GRIK1: variants seen among roughly 807,000 people sequenced by gnomAD.
GRIK1 encodes the protein glutamate receptor ionotropic, kainate 1.
In GRIK1, 69 loss-of-function variants were observed where a neutral mutation model predicts 105.7. The ratio of observed to expected loss-of-function variants is 0.65; its 90% CI spans 0.54 to 0.80. The LOEUF (loss-of-function observed/expected upper bound fraction) is 0.80. GRIK1 is among the 30% of genes least tolerant of loss of function. The pLI, the probability that GRIK1 is intolerant of heterozygous loss-of-function variation, is 0.00. For missense variants in GRIK1, 1,109 were observed against 1,167.3 expected, an observed-to-expected ratio of 0.95 and a Z score of 0.73; for synonymous variants, 438 against 431.3, an observed-to-expected ratio of 1.02 and a Z score of -0.19.
At chr21:29,651,312 T>C (rs774286172) in intron 5 of GRIK1, 21 bp from the exon 6 acceptor site, 12 of 1,527,330 alleles carry the variant, frequency 7.9e-6, no homozygotes, top group Non-Finnish European at 9.9e-6. Flanking sequence ...TCAAAAAGGA[T>C]AACAGTGGAA....
intron 7 of GRIK1, among the ~76,000 whole-genome samples, chr21:29,624,493 G>T (rs1417802865): frequency 1.3e-5 from 2 of 151,900 alleles, no homozygotes; most frequent in Non-Finnish European, 2.9e-5. Flanking sequence ...ATTTAATATG[G>T]AATCAATAAA....
At chr21:29,900,315 C>T (rs2070347711) in intron 1 of GRIK1, among the ~76,000 whole-genome samples, 1 of 151,656 alleles carries the variant, frequency 6.6e-6, no homozygotes. Context: ...GCTAAATGCC[C>T]CAATTAAAAG....
At chr21:29,920,593 T>C (rs1602051924) in intron 1 of GRIK1, among the ~76,000 whole-genome samples, 1 of 152,130 alleles carries the variant, frequency 6.6e-6, no homozygotes, top group Non-Finnish European at 1.5e-5. Context: ...TAAATATTTA[T>C]TTGTGTGATC....
At chr21:29,634,309 A>AT (rs986959385) in intron 7 of GRIK1, among the ~76,000 whole-genome samples, 2 of 152,208 alleles carry the variant, frequency 1.3e-5, no homozygotes, top group African/African-American at 2.4e-5. Flanking sequence ...CATAAATTAC[A>AT]TTTTTCATAG....
chr21:29,572,903 T>C (rs2090787516), intron 14 of GRIK1, among the ~76,000 whole-genome samples: 1 of 152,152 alleles, frequency 6.6e-6, no homozygotes, highest in Non-Finnish European at 1.5e-5. Flanking sequence ...CCCGAGTAGC[T>C]GGGATTACAG....
chr21:29,736,334 G>A (rs1165323406), intron 1 of GRIK1, among the ~76,000 whole-genome samples: 1 of 152,076 alleles, frequency 6.6e-6, no homozygotes, highest in Non-Finnish European at 1.5e-5. Context: ...GGACTCAACT[G>A]ATTCTCCAAC....
chr21:29,616,990 CTT>C (rs1349830231), intron 7 of GRIK1, among the ~76,000 whole-genome samples: 24 of 152,116 alleles, frequency 1.6e-4, no homozygotes, highest in African/African-American at 5.3e-4. Flanking sequence ...CATTCTCTCT[CTT>C]GGTGTGGAGC....
chr21:29,919,559 A>C (rs2071122293), intron 1 of GRIK1, among the ~76,000 whole-genome samples: 1 of 152,158 alleles, frequency 6.6e-6, no homozygotes, highest in African/African-American at 2.4e-5. Flanking sequence ...AAACATATTC[A>C]AGGCTTTCTT....
intron 14 of GRIK1, among the ~76,000 whole-genome samples, chr21:29,574,860 T>C (rs1320810295): frequency 3.3e-5 from 5 of 149,880 alleles, no homozygotes; most frequent in Non-Finnish European, 5.9e-5. Context: ...GCTAATATTT[T>C]TGTATTTTTT....
chr21:29,686,387 G>T (rs2063486799), intron 3 of GRIK1, among the ~76,000 whole-genome samples: 1 of 152,162 alleles, frequency 6.6e-6, no homozygotes, highest in Admixed American at 6.5e-5. Flanking sequence ...GACACGTATT[G>T]ATGAGGAAGC....
rs529600299 is a variant in GRIK1 at position 29,642,925 on chromosome 21, A to G, written c.999T>C (p.Ile333=). The change falls in exon 7 of 18, where the codon ATT becomes ATC. Residue 333 remains isoleucine (I), a synonymous_variant. Transcript: ENST00000327783. ...LMYDAVYMVA[I]ASHRASQLTV... ...TCAGCTGGGATGCCCGGTGCGAGGC[A>G]ATGGCCACCATGTACACAGCATCGT... 1 of 1,614,082 alleles carries G rather than the reference A, an allele frequency of 6.2e-7. No individual in the cohort carries two copies. The highest frequency in any genetic ancestry group is 1.7e-5 in the Admixed American group (1 of 60,034).
In GRIK1 at chr21:29,643,156, T is replaced by A. The variant is rs1015317762; in HGVS notation, c.955-187A>T. On this transcript the variant is annotated intron_variant, in intron 6 of 17. Transcript: ENST00000327783. ...CAAAATAATACCTCACACTTTGGAG[T>A]AAATTGAAGTTATAACTCTGCTTCG... Among the ~76,000 whole-genome samples the A allele has an allele frequency of 3.3e-5, 5 of 151,938 alleles. No homozygotes were observed. The East Asian group carries it at 7.7e-4, about 23-fold the overall frequency.
intron 7 of GRIK1, among the ~76,000 whole-genome samples, chr21:29,640,388 G>C (rs2062487511): frequency 6.6e-6 from 1 of 152,118 alleles, no homozygotes; most frequent in Non-Finnish European, 1.5e-5. Flanking sequence ...CTTCTCTGTA[G>C]GTACCTACAC....
chr21:29,678,705 G>A (rs989724408), intron 3 of GRIK1, among the ~76,000 whole-genome samples: 2 of 152,116 alleles, frequency 1.3e-5, no homozygotes, highest in Non-Finnish European at 2.9e-5. Flanking sequence ...ATGTTCCATC[G>A]TTGGGTTATT....
At chr21:29,624,246 C>A (rs2062071342) in intron 7 of GRIK1, among the ~76,000 whole-genome samples, 1 of 152,108 alleles carries the variant, frequency 6.6e-6, no homozygotes, top group Non-Finnish European at 1.5e-5. Flanking sequence ...GAATTTTAAA[C>A]ACAAATGCTG....
chr21:29,837,124 T>G (rs2067829891), intron 1 of GRIK1, among the ~76,000 whole-genome samples: 1 of 152,230 alleles, frequency 6.6e-6, no homozygotes, highest in Admixed American at 6.5e-5. Context: ...AATCGTTTTT[T>G]GGATAGCTAA....
At chr21:29,561,330 T>C (rs1385615551) in intron 15 of GRIK1, among the ~76,000 whole-genome samples, 1 of 152,190 alleles carries the variant, frequency 6.6e-6, no homozygotes, top group Non-Finnish European at 1.5e-5. Context: ...AGAGGATTAA[T>C]TAGAAATATA....
intron 6 of GRIK1, among the ~76,000 whole-genome samples, chr21:29,648,924 A>C (rs1295880206): frequency 6.6e-6 from 1 of 152,204 alleles, no homozygotes; most frequent in Non-Finnish European, 1.5e-5. Flanking sequence ...TGAAACTGAA[A>C]CCAAAGGACT....
intron 1 of GRIK1, among the ~76,000 whole-genome samples, chr21:29,797,086 A>G (rs1319457747): frequency 6.6e-6 from 1 of 152,190 alleles, no homozygotes; most frequent in African/African-American, 2.4e-5. Flanking sequence ...ATTATCAGGA[A>G]ATCAGGTAGC....
Sources: allele counts gnomAD v4.1 joint callset (sites outside exome capture counted in the v4.1 genomes callset), GRCh38; gene constraint gnomAD v4.1.1; transcripts MANE v1.5; gene names NCBI Gene and HGNC (gene_info 2026-07-23, HGNC 2026-07-21).